Variants in MYO10 observed in about 807,000 individuals in gnomAD.
MYO10 encodes myosin X, also known as unconventional myosin-X.
Under a neutral mutation model 257.3 loss-of-function variants are expected in MYO10, and 133 were observed. The observed-to-expected ratio is 0.52, with a 90% CI of 0.45 to 0.60. The LOEUF is 0.60. Among genes scored for constraint, MYO10 ranks in the 20% least tolerant of loss-of-function variants. MYO10 has a pLI of 0.00. For synonymous variants in MYO10, 1,104 were observed against 1,028.6 expected, an observed-to-expected ratio of 1.07 and a Z score of -1.40; for missense variants, 2,399 against 2,635.7, an observed-to-expected ratio of 0.91 and a Z score of 1.97.
At chr5:16,704,466 A>AC (rs1738237628) in intron 22 of MYO10, 113 bp downstream of exon 22, 1 of 857,324 alleles carries the variant, frequency 1.2e-6, no homozygotes, top group Non-Finnish European at 1.8e-6. Flanking sequence ...AGGAGGCCTG[A>AC]CCTGAGGCTC....
intron 2 of MYO10, among the ~76,000 whole-genome samples, chr5:16,819,289 G>A (rs1483956626): frequency 6.6e-6 from 1 of 152,090 alleles, no homozygotes; most frequent in Non-Finnish European, 1.5e-5. Flanking sequence ...TGTACATAAG[G>A]TGACTCTGGT....
intron 2 of MYO10, among the ~76,000 whole-genome samples, chr5:16,823,295 A>G (rs1274447536): frequency 1.3e-5 from 2 of 148,556 alleles, no homozygotes; most frequent in African/African-American, 2.5e-5. Flanking sequence ...AAACACAAAA[A>G]TTAGCCAGGC....
chr5:16,697,088 C>A lies in MYO10; in HGVS notation c.3556+2362G>T, dbSNP rs571407265. ...TTGTCAGGTGTTCCAGTGCTGGCTA[C>A]CTCACCCTTGATGTTTTTCATTCCA... On this transcript the variant is annotated intron_variant, in intron 26 of 40. Transcript: ENST00000513610. Among the ~76,000 whole-genome samples, 5 of 152,246 alleles carry A rather than the reference C, an allele frequency of 3.3e-5. No individual in the cohort carries two copies. The South Asian group carries it at 1.0e-3, about 32-fold the overall frequency.
At chr5:16,893,069 C>T (rs551271534) in intron 1 of MYO10, among the ~76,000 whole-genome samples, 32 of 151,634 alleles carry the variant, frequency 2.1e-4, no homozygotes, top group African/African-American at 6.5e-4. Flanking sequence ...TGGTGGCGGG[C>T]GCCTGTAGTC....
At chr5:16,891,355 GGAAGGAAGGAAGGAAGGAAGGAAGGAGA>G (rs1332647105) in intron 1 of MYO10, among the ~76,000 whole-genome samples, 1,160 of 56,342 alleles carry the variant, frequency 0.021, 29 homozygotes, top group African/African-American at 0.064. Flanking sequence ...AAGGAAGGAA[GGAAGGAAGGAAGGAAGGAAGGAAGGAGA>G]GAGAGAGGAA....
At chr5:16,749,810 C>T (rs1740329877) in intron 19 of MYO10, among the ~76,000 whole-genome samples, 1 of 152,230 alleles carries the variant, frequency 6.6e-6, no homozygotes, top group South Asian at 2.1e-4. Flanking sequence ...GGTTCTCAAA[C>T]CCCAGAAGGT....
chr5:16,675,204 T>C (rs948837430), intron 34 of MYO10, 54 bp from the exon 35 acceptor site: 35 of 1,582,508 alleles, frequency 2.2e-5, no homozygotes, highest in African/African-American at 1.3e-4. Flanking sequence ...GAATAGGGCA[T>C]GAGCATAATC....
At position 16,682,026 on chromosome 5, in the gene MYO10, A is replaced by G. The variant is rs777870651; in HGVS notation, c.4047-13T>C. Reference sequence around the variant, plus strand: ...AAACGAGTTGGGTCTGAGCCACAAGATGAGAAGGAAACAAAGCCCCTTAGC... The same window carrying G: ...AAACGAGTTGGGTCTGAGCCACAAGGTGAGAAGGAAACAAAGCCCCTTAGC... On this transcript the variant is annotated splice_polypyrimidine_tract_variant and intron_variant, in intron 30 of 40. Transcript: ENST00000513610. The G allele has an allele frequency of 5.6e-6, 9 of 1,611,646 alleles. No homozygotes were observed. The highest frequency in any genetic ancestry group is 7.6e-6 in the Non-Finnish European group (9 of 1,179,540).
intron 29 of MYO10, 110 bp downstream of exon 29, chr5:16,685,628 A>T: frequency 1.2e-6 from 1 of 814,134 alleles, no homozygotes; most frequent in East Asian, 2.7e-5. Flanking sequence ...TTTACCTTTT[A>T]AAAAAAGACT....
intron 1 of MYO10, among the ~76,000 whole-genome samples, chr5:16,924,918 C>T (rs1746089776): frequency 6.6e-6 from 1 of 151,376 alleles, no homozygotes; most frequent in Admixed American, 6.6e-5. Context: ...GCAAGCTCCG[C>T]CTCCCAGGTT....
intron 26 of MYO10, 96 bp from the exon 27 acceptor site, chr5:16,694,710 C>T (rs888091142): frequency 5.3e-6 from 8 of 1,501,484 alleles, no homozygotes; most frequent in African/African-American, 4.1e-5. Context: ...TCTAGCCGAG[C>T]TTAGACTCTG....
intron 33 of MYO10, among the ~76,000 whole-genome samples, chr5:16,677,433 T>TG (rs1554033251): frequency 6.9e-6 from 1 of 145,256 alleles, no homozygotes; most frequent in Non-Finnish European, 1.5e-5. Flanking sequence ...TTTTTTTTTT[T>TG]GAGACGGAGT....
rs191258145 is a variant in MYO10, at chr5:16,800,730, G to A, written c.280-5897C>T. Among the ~76,000 whole-genome samples the A allele has an allele frequency of 6.0e-3, 918 of 152,172 alleles. 11 individuals carry two copies. The highest frequency in any genetic ancestry group is 0.021 in the African/African-American group (860 of 41,512). On this transcript the variant is annotated intron_variant, in intron 3 of 40. Coordinates refer to ENST00000513610, the MANE Select transcript of MYO10 (RefSeq NM_012334.3). Reference sequence around the variant, plus strand: ...TGGTTCTTTCTCAGCCTTGCCATGCGCCACCCCCGTGGCTGTGTTGGAAGG... The same window carrying A: ...TGGTTCTTTCTCAGCCTTGCCATGCACCACCCCCGTGGCTGTGTTGGAAGG...
chr5:16,687,260 G>A (rs1362325692), intron 28 of MYO10, among the ~76,000 whole-genome samples: 4 of 151,852 alleles, frequency 2.6e-5, no homozygotes, highest in East Asian at 1.9e-4. Context: ...GGCCAAGGCT[G>A]CAATGAGCCA....
At chr5:16,820,471 G>A (rs1249092632) in intron 2 of MYO10, among the ~76,000 whole-genome samples, 1 of 152,124 alleles carries the variant, frequency 6.6e-6, no homozygotes, top group Non-Finnish European at 1.5e-5. Context: ...CCAGCTCCCG[G>A]CACACACCTG....
chr5:16,707,536 A>G (rs994795077), intron 21 of MYO10, among the ~76,000 whole-genome samples: 3 of 152,192 alleles, frequency 2.0e-5, no homozygotes, highest in Non-Finnish European at 2.9e-5. Flanking sequence ...ATTCTAGTAC[A>G]CTGTCTTTAT....
intron 22 of MYO10, among the ~76,000 whole-genome samples, chr5:16,703,787 C>T (rs1055639190): frequency 6.8e-5 from 10 of 147,692 alleles, no homozygotes; most frequent in Non-Finnish European, 1.3e-4. Context: ...GAGGCTGAGG[C>T]AGGAGAATCA....
At chr5:16,804,978 C>T (rs1742228629) in intron 3 of MYO10, among the ~76,000 whole-genome samples, 1 of 152,164 alleles carries the variant, frequency 6.6e-6, no homozygotes, top group Non-Finnish European at 1.5e-5. Flanking sequence ...CATCTTATCT[C>T]CCCCATCTTA....
At chr5:16,689,642 T>C (rs1281207881) in intron 28 of MYO10, among the ~76,000 whole-genome samples, 182 bp downstream of exon 28, 1 of 151,132 alleles carries the variant, frequency 6.6e-6, no homozygotes, top group Non-Finnish European at 1.5e-5. Flanking sequence ...CTTGAACACA[T>C]TTGCCCAGGG....
Sources: allele counts gnomAD v4.1 joint callset (sites outside exome capture counted in the v4.1 genomes callset), GRCh38; gene constraint gnomAD v4.1.1; transcripts MANE v1.5; gene names NCBI Gene and HGNC (gene_info 2026-07-23, HGNC 2026-07-21).